HERC2: variants seen among roughly 807,000 people sequenced by gnomAD.
HERC2 encodes HECT and RLD domain containing E3 ubiquitin protein ligase 2, also known as E3 ubiquitin-protein ligase HERC2.
HERC2 carries 102 observed loss-of-function variants against 537.7 expected under a neutral mutation model. The observed-to-expected ratio is 0.19, with a 90% CI of 0.16 to 0.22. The LOEUF (loss-of-function observed/expected upper bound fraction) is 0.22. Ranked by LOEUF, HERC2 falls within the 10% of genes least tolerant of loss-of-function variation. The pLI is 1.00. For missense variants in HERC2, 4,236 were observed against 6,198.2 expected, an observed-to-expected ratio of 0.68 and a Z score of 10.63; for synonymous variants, 2,224 against 2,466.2, an observed-to-expected ratio of 0.90 and a Z score of 2.91.
intron 64 of HERC2, 51 bp downstream of exon 64, chr15:28,175,461 C>A (rs746501858): frequency 1.3e-6 from 2 of 1,523,582 alleles, no homozygotes; most frequent in Admixed American, 1.8e-5. Context: ...ATGACCCCCA[C>A]GTCCCCCAAG....
chr15:28,291,873 C>T (rs2076322729), intron 4 of HERC2, among the ~76,000 whole-genome samples: 1 of 139,190 alleles, frequency 7.2e-6, no homozygotes. Flanking sequence ...CCACTGTACT[C>T]CAGCCTGGGC....
rs765646924 is a variant in HERC2, at chr15:28,179,209, C to T, written c.8952G>A (p.Ser2984=). The change falls in exon 58 of 93, where the codon TCG becomes TCA. Residue 2984 remains serine, a synonymous_variant. Transcript: ENST00000261609. Reference sequence around the variant, plus strand: ...TCAAAGCTGACAGTGTCTCAGAGAACGAAGGAACCTTTATCTACAACAGAA... The same window carrying T: ...TCAAAGCTGACAGTGTCTCAGAGAATGAAGGAACCTTTATCTACAACAGAA... ...GLKGSKIKVP[S]FSETLSALNV... 1.4e-5 allele frequency: 22 copies of T among 1,605,004 alleles called. No individual in the cohort carries two copies. Among genetic ancestry groups the T allele is most frequent in the Admixed American group, 8.5e-5 (5 of 58,682 alleles).
chr15:28,224,819 A>G (rs1900940625), intron 35 of HERC2, among the ~76,000 whole-genome samples: 1 of 152,208 alleles, frequency 6.6e-6, no homozygotes, highest in South Asian at 2.1e-4. Context: ...TCCAACCAAA[A>G]TGAAATGAGA....
chr15:28,142,677 T>C, intron 75 of HERC2, 150 bp downstream of exon 75: 1 of 719,386 alleles, frequency 1.4e-6, no homozygotes, highest in South Asian at 1.9e-5. Flanking sequence ...GATTACACGA[T>C]CATTTCTTGA....
At chr15:28,203,989 G>T (rs1021016926) in intron 45 of HERC2, 14 of 151,940 alleles carry the variant, frequency 9.2e-5, no homozygotes, top group Non-Finnish European at 1.5e-5. Flanking sequence ...GAGAATTAAG[G>T]ATCCACAACC....
At chr15:28,189,319 A>AT (rs1896612012) in intron 55 of HERC2, among the ~76,000 whole-genome samples, 1 of 152,122 alleles carries the variant, frequency 6.6e-6, no homozygotes, top group South Asian at 2.1e-4. Context: ...TGGATTAAAG[A>AT]TATCTTTTAC....
chr15:28,237,303 C>T (rs575279936), intron 25 of HERC2, among the ~76,000 whole-genome samples, 190 bp from the exon 26 acceptor site: 1 of 152,260 alleles, frequency 6.6e-6, no homozygotes, highest in Non-Finnish European at 1.5e-5. Context: ...CATAAACCCA[C>T]ATGCCCAGTA....
rs1203615574 is a variant in HERC2, at chr15:28,113,528, G to A, written c.14019+45C>T. 6.5e-7 allele frequency: 1 copy of A among 1,527,072 alleles called. No homozygotes were observed. The highest frequency in any genetic ancestry group is 1.4e-5 in the African/African-American group (1 of 73,134). 94.6% of individuals were successfully genotyped at this position (1,527,072 alleles called of 1,614,324 possible). On this transcript the variant is annotated intron_variant, in intron 91 of 92. Transcript: ENST00000261609. This position sits in a 1 kb window ranked among gnomAD's most constrained non-coding sequence, Gnocchi z 7.0. ...GCTGTCACTGATTTGTGGGTCAGCA[G>A]GCAAAAGGCAGCTGCAGGGCAGCCC...
intron 81 of HERC2, among the ~76,000 whole-genome samples, chr15:28,130,985 G>A (rs1179786101): frequency 6.6e-6 from 1 of 152,150 alleles, no homozygotes; most frequent in Admixed American, 6.5e-5. Context: ...GGCCCGCGGG[G>A]GAGGAGCAGC....
At chr15:28,142,741 AACAC>A (rs1891350400) in intron 75 of HERC2, 82 bp downstream of exon 75, 1 of 1,500,528 alleles carries the variant, frequency 6.7e-7, no homozygotes, top group Non-Finnish European at 9.1e-7. Flanking sequence ...AGAGGCCTAA[AACAC>A]ACACACTGCA....
intron 83 of HERC2, among the ~76,000 whole-genome samples, chr15:28,128,520 C>T (rs553032932): frequency 6.6e-6 from 1 of 152,222 alleles, no homozygotes; most frequent in Admixed American, 6.5e-5. Flanking sequence ...CCTTCCACTA[C>T]AGGCCACAGA....
At chr15:28,167,417 T>A (rs1276754162) in intron 68 of HERC2, among the ~76,000 whole-genome samples, 2 of 152,228 alleles carry the variant, frequency 1.3e-5, no homozygotes, top group African/African-American at 4.8e-5. Context: ...ATTGGGATGA[T>A]GAGCAAAATC....
At chr15:28,227,470 A>AG (rs1901322768) in intron 35 of HERC2, among the ~76,000 whole-genome samples, 1 of 133,904 alleles carries the variant, frequency 7.5e-6, no homozygotes, top group Non-Finnish European at 1.5e-5. Context: ...AAAAAAAAGA[A>AG]AAAAAAAAAA....
rs1900580912 is a variant in HERC2 at position 28,222,111 on chromosome 15, G to T, written c.5569C>A (p.Pro1857Thr). Residue 1857 changes from proline to threonine, a missense_variant, in exon 36 of 93, where the codon CCT (proline) becomes ACT (threonine). By Grantham distance (38) the Pro-to-Thr change is conservative. Around this residue, in one of 27 missense-constraint regions of HERC2, gnomAD observed 343 missense variants for 417.2 expected, o/e 0.82. Transcript: ENST00000261609. ...GCAGCCAGTTCTGGTCCTGAAACAG[G>T]GAGCTGCACAGGAGCCGTTTCCTTC... ...TRKETAPVQL[P>T]VSGPELAAMM... is the part of the protein sequence containing the mutation. 1.0e-6 allele frequency: 1 copy of T among 998,892 alleles called. No homozygotes were observed. The highest frequency in any genetic ancestry group is 1.6e-6 in the Non-Finnish European group (1 of 613,890). The allele number at this position is 998,892 out of a possible 1,614,324, so 61.9% of individuals were successfully genotyped here.
intron 68 of HERC2, among the ~76,000 whole-genome samples, chr15:28,165,679 T>C (rs984617709): frequency 1.3e-5 from 2 of 151,488 alleles, no homozygotes; most frequent in Admixed American, 6.6e-5. Context: ...TGGTGGTGCA[T>C]GCTTGTAGTT....
chr15:28,260,695 A>G, intron 16 of HERC2, 82 bp downstream of exon 16: 1 of 1,112,890 alleles, frequency 9.0e-7, no homozygotes, highest in Non-Finnish European at 1.3e-6. Flanking sequence ...AACAAAACTC[A>G]GTGGTATTTT....
chr15:28,279,328 A>G (rs761756909), intron 5 of HERC2, among the ~76,000 whole-genome samples: 6 of 152,170 alleles, frequency 3.9e-5, no homozygotes, highest in Non-Finnish European at 7.4e-5. Flanking sequence ...AGAAAATCAC[A>G]TTAGGAAGGA....
At chr15:28,233,928 C>T (rs1289830465) in intron 27 of HERC2, 132 bp from the exon 28 acceptor site, 4 of 726,706 alleles carry the variant, frequency 5.5e-6, no homozygotes, top group Non-Finnish European at 9.7e-6. Context: ...TTAACACAAT[C>T]AGGTTCTCAC....
chr15:28,213,664 A>G, intron 42 of HERC2, 78 bp downstream of exon 42: 1 of 1,604,492 alleles, frequency 6.2e-7, no homozygotes, highest in South Asian at 1.1e-5. Flanking sequence ...AGTTCTTTCA[A>G]GTGCTGATGC....
Sources: allele counts gnomAD v4.1 joint callset (sites outside exome capture counted in the v4.1 genomes callset), GRCh38; gene constraint gnomAD v4.1.1; regional missense constraint gnomAD v4.1.1; non-coding constraint Gnocchi (gnomAD v3.1); transcripts MANE v1.5; gene names NCBI Gene and HGNC (gene_info 2026-07-23, HGNC 2026-07-21).